NDC1: variants seen among roughly 807,000 people sequenced by gnomAD.
The protein encoded by NDC1 is NDC1 transmembrane nucleoporin, also known as nucleoporin NDC1.
NDC1 carries 24 observed loss-of-function variants against 89.8 expected under a neutral mutation model. The ratio of observed to expected loss-of-function variants is 0.27; its 90% confidence interval spans 0.19 to 0.38. The LOEUF (loss-of-function observed/expected upper bound fraction) is 0.38, where lower values mean the gene tolerates loss of function less well. Among genes scored for constraint, NDC1 ranks in the 10% least tolerant of loss-of-function variants. The probability of loss-of-function intolerance (pLI) is 1.00; values close to 1 mark genes in which losing one functional copy is unlikely to be tolerated. For synonymous variants in NDC1, 296 were observed against 284.8 expected (o/e 1.04, Z -0.39); for missense variants, 728 against 797.6 (o/e 0.91, Z 1.05).
chr1:53,829,724 A>G (rs562370548), intron 3 of NDC1, among the ~76,000 whole-genome samples: 1 of 152,352 alleles, frequency 6.6e-6, no homozygotes. Context: ...GGACCCCTCA[A>G]CTGACATATT....
chr1:53,803,343 A>G (rs1647984423), intron 10 of NDC1, among the ~76,000 whole-genome samples: 1 of 152,202 alleles, frequency 6.6e-6, no homozygotes, highest in Non-Finnish European at 1.5e-5. Flanking sequence ...CTAGGATTAC[A>G]GGGGTGAGCC....
chr1:53,774,658 G>A (rs1341178387), intron 16 of NDC1, among the ~76,000 whole-genome samples: 1 of 152,182 alleles, frequency 6.6e-6, no homozygotes, highest in Admixed American at 6.5e-5. Context: ...GGAGGCTGAG[G>A]CAGGAGGACT....
chr1:53,809,223 C>T (rs1472238866), intron 7 of NDC1, among the ~76,000 whole-genome samples: 1 of 152,192 alleles, frequency 6.6e-6, no homozygotes, highest in African/African-American at 2.4e-5. Flanking sequence ...AGGCCTGGTC[C>T]ATGCAACTCG....
chr1:53,811,775 C>T (rs1648315623), intron 6 of NDC1, among the ~76,000 whole-genome samples: 1 of 152,006 alleles, frequency 6.6e-6, no homozygotes, highest in Non-Finnish European at 1.5e-5. Flanking sequence ...CCGGAAAGCG[C>T]CACCTCCTGG....
At chr1:53,824,650 C>T (rs1648785771) in intron 5 of NDC1, among the ~76,000 whole-genome samples, 1 of 152,174 alleles carries the variant, frequency 6.6e-6, no homozygotes, top group African/African-American at 2.4e-5. Flanking sequence ...GACATCTCAG[C>T]CACCTTTCCC....
Position 53,800,767 on chromosome 1 carries a change from T to A in NDC1, c.1148A>T (p.Tyr383Phe), listed in dbSNP as rs771920754. ...CCCATTCGTAGCAGCAGCTTCTTGATAGAGAATCAGTTTCTGAGTCATACC... is the reference window on the plus strand; with the variant it reads ...CCCATTCGTAGCAGCAGCTTCTTGAAAGAGAATCAGTTTCTGAGTCATACC... The part of the protein sequence containing the change: ...LNGMTQKLIL[Y>F]QEAAATNGRV... Residue 383 changes from tyrosine to phenylalanine, a missense_variant, in exon 11 of 18, where the codon TAT becomes TTT. Tyr to Phe is a conservative substitution (Grantham distance 22, BLOSUM62 3). Transcript: ENST00000371429. 1.2e-6 allele frequency: 2 copies of A among 1,614,048 alleles called. No homozygotes were observed. Among genetic ancestry groups the A allele is most frequent in the South Asian group, 1.1e-5 (1 of 91,064 alleles).
At chr1:53,827,837 T>C (rs1435339612) in intron 4 of NDC1, among the ~76,000 whole-genome samples, 162 bp downstream of exon 4, 1 of 152,208 alleles carries the variant, frequency 6.6e-6, no homozygotes, top group Non-Finnish European at 1.5e-5. Context: ...TTTTAATTGC[T>C]GAAATCAATA....
chr1:53,790,307 A>G (rs1211138873), intron 14 of NDC1, among the ~76,000 whole-genome samples: 3 of 140,050 alleles, frequency 2.1e-5, no homozygotes, highest in East Asian at 2.2e-4. Context: ...AGAGGTTGTA[A>G]TGAGCTGAGA....
intron 14 of NDC1, among the ~76,000 whole-genome samples, chr1:53,790,289 C>T (rs578207849): frequency 1.3e-4 from 20 of 150,262 alleles, no homozygotes; most frequent in African/African-American, 4.2e-4. Flanking sequence ...CACTTGAACC[C>T]GGGAGGCAGA....
chr1:53,825,776 A>G lies in NDC1; in HGVS notation c.594+22T>C, dbSNP rs759787523. The G allele has an allele frequency of 5.8e-6, 9 of 1,553,212 alleles. No individual in the cohort carries two copies. In the Admixed American group the frequency reaches 2.0e-4, roughly 35 times the overall value. Reference sequence around the variant, plus strand: ...TTACCTCAGCCAAATTTTGACATCAAGTAATGCTCAAATGATCTTACCTGT... The same window carrying G: ...TTACCTCAGCCAAATTTTGACATCAGGTAATGCTCAAATGATCTTACCTGT... On this transcript the variant is annotated intron_variant, in intron 5 of 17. Coordinates refer to ENST00000371429, the MANE Select transcript of NDC1 (RefSeq NM_018087.5).
intron 16 of NDC1, among the ~76,000 whole-genome samples, chr1:53,773,737 C>T (rs1383127132): frequency 6.6e-6 from 1 of 152,192 alleles, no homozygotes; most frequent in East Asian, 1.9e-4. Flanking sequence ...ATCCTGACTA[C>T]AGGGCCTGCC....
intron 6 of NDC1, among the ~76,000 whole-genome samples, chr1:53,811,097 G>A (rs1303848676): frequency 6.6e-6 from 1 of 152,232 alleles, no homozygotes; most frequent in African/African-American, 2.4e-5. Context: ...TACAGGGGTA[G>A]AGGAAGCAGC....
Position 53,806,463 on chromosome 1 carries a change from GA to G in NDC1, c.945del (p.Pro316GlnfsTer4). On this transcript the variant is annotated frameshift_variant, in exon 9 of 18. Coordinates refer to ENST00000371429, the MANE Select transcript of NDC1 (RefSeq NM_018087.5). LOFTEE classifies it high-confidence loss of function. ...GGAGGATTGCTATTTAACACTTTTG[GA>G]AGGCACTCATCTGACCCTTCTGCAA... ...PPFAEGSDEC[L>X]PKVLNSNPPP... is the part of the protein sequence containing the mutation. The G allele has an allele frequency of 6.5e-7, 1 of 1,540,364 alleles. No individual in the cohort carries two copies. The highest frequency in any genetic ancestry group is 8.7e-7 in the Non-Finnish European group (1 of 1,151,048).
In NDC1 at chr1:53,767,963, T is replaced by A. The variant is rs368528310; in HGVS notation, c.*7A>T. The A allele has an allele frequency of 6.3e-7, 1 of 1,578,792 alleles. No homozygotes were observed. Among genetic ancestry groups the A allele is most frequent in the Non-Finnish European group, 8.7e-7 (1 of 1,150,822 alleles). ...GCAGTGTAATGAACACAGTTTATAT[T>A]ACTTAACTATTCTTTGAACTCCAAG... On this transcript the variant is annotated 3_prime_UTR_variant, in exon 18 of 18. Coordinates refer to ENST00000371429, the MANE Select transcript of NDC1 (RefSeq NM_018087.5).
intron 14 of NDC1, among the ~76,000 whole-genome samples, chr1:53,790,563 C>T (rs1437202187): frequency 6.7e-6 from 1 of 149,010 alleles, no homozygotes; most frequent in Admixed American, 6.7e-5. Context: ...AAAAAATTAG[C>T]CTATGTGGTG....
At chr1:53,820,464 C>T (rs1391164982) in intron 5 of NDC1, among the ~76,000 whole-genome samples, 3 of 151,648 alleles carry the variant, frequency 2.0e-5, no homozygotes. Flanking sequence ...TGCAGCACAC[C>T]AACATGGCAC....
At chr1:53,835,089 G>T (rs149781708) in intron 2 of NDC1, among the ~76,000 whole-genome samples, 1 of 152,218 alleles carries the variant, frequency 6.6e-6, no homozygotes, top group African/African-American at 2.4e-5. Flanking sequence ...TTCAAAAAAA[G>T]AAATCAAGTG....
intron 16 of NDC1, among the ~76,000 whole-genome samples, chr1:53,777,917 T>C (rs991925550): frequency 6.6e-6 from 1 of 152,082 alleles, no homozygotes; most frequent in Admixed American, 6.5e-5. Context: ...GATTTCACCA[T>C]GTTGACCAGG....
intron 16 of NDC1, among the ~76,000 whole-genome samples, chr1:53,780,353 C>A (rs997437857): frequency 6.6e-6 from 1 of 152,168 alleles, no homozygotes; most frequent in Non-Finnish European, 1.5e-5. Flanking sequence ...GGATTACAGG[C>A]GTGAGCCACC....
Sources: allele counts gnomAD v4.1 joint callset (sites outside exome capture counted in the v4.1 genomes callset), GRCh38; gene constraint gnomAD v4.1.1; transcripts MANE v1.5; gene names NCBI Gene and HGNC (gene_info 2026-07-23, HGNC 2026-07-21).